BCR: variants seen among roughly 807,000 people sequenced by gnomAD.
The protein encoded by BCR is BCR activator of RhoGEF and GTPase.
Under a neutral mutation model 138.6 loss-of-function variants are expected in BCR, and 58 were observed. The observed-to-expected ratio is 0.42, with a 90% CI of 0.34 to 0.52. BCR has a LOEUF of 0.52. Among genes scored for constraint, BCR ranks in the 20% least tolerant of loss-of-function variants. The probability of loss-of-function intolerance (pLI) is 0.06; values close to 1 mark genes in which losing one functional copy is unlikely to be tolerated. For synonymous variants in BCR, 786 were observed against 730.1 expected, an observed-to-expected ratio of 1.08 and a Z score of -1.23; for missense variants, 1,599 against 1,727.2, an observed-to-expected ratio of 0.93 and a Z score of 1.32.
chr22:23,246,762 G>T (rs889955218), intron 1 of BCR, among the ~76,000 whole-genome samples: 2 of 152,184 alleles, frequency 1.3e-5, no homozygotes, highest in Non-Finnish European at 1.5e-5. Context: ...GTAAAGGGTG[G>T]TGGGTTTTTT....
At chr22:23,314,780 C>A (rs1395058419) in intron 22 of BCR, 66 bp downstream of exon 22, 2 of 1,569,018 alleles carry the variant, frequency 1.3e-6, no homozygotes, top group Admixed American at 1.7e-5. Flanking sequence ...GCCTGCCCCA[C>A]CCCCAGTCCT....
intron 1 of BCR, among the ~76,000 whole-genome samples, chr22:23,185,636 A>G (rs2072331311): frequency 6.6e-6 from 1 of 150,620 alleles, no homozygotes; most frequent in Admixed American, 6.6e-5. Flanking sequence ...GCTGCACTCC[A>G]GCCTGGGCGA....
In BCR at chr22:23,253,812, A is replaced by G. The variant is rs2073260579; in HGVS notation, c.1293A>G (p.Gly431=). 6.2e-7 allele frequency: 1 copy of G among 1,611,862 alleles called. No homozygotes were observed. Among genetic ancestry groups the G allele is most frequent in the Non-Finnish European group, 8.5e-7 (1 of 1,179,066 alleles). Residue 431 remains glycine, a synonymous_variant, in exon 2 of 23, where the codon GGA becomes GGG. Coordinates refer to ENST00000305877, the MANE Select transcript of BCR (RefSeq NM_004327.4). The stretch of plus-strand genomic sequence containing the variant: ...TTGCACACACAGATGGCTCGTTCGG[A>G]ACACCACCTGGATACGGCTGCGCTG... The part of the protein sequence containing the change: ...AFHGDADGSF[G]TPPGYGCAAD...
chr22:23,273,550 C>T, intron 7 of BCR, 84 bp from the exon 8 acceptor site: 1 of 1,581,042 alleles, frequency 6.3e-7, no homozygotes, highest in Non-Finnish European at 8.6e-7. Flanking sequence ...TGGGCTCCGT[C>T]CACACTTTGT....
intron 5 of BCR, 123 bp from the exon 6 acceptor site, chr22:23,271,409 C>A: frequency 2.0e-6 from 2 of 978,508 alleles, no homozygotes; most frequent in Non-Finnish European, 3.1e-6. Flanking sequence ...TCATTATCAG[C>A]TCAGAATGCA....
chr22:23,258,367 G>C (rs1019069770), intron 2 of BCR, among the ~76,000 whole-genome samples: 5 of 152,190 alleles, frequency 3.3e-5, no homozygotes, highest in Admixed American at 2.0e-4. Flanking sequence ...GGCAGTGGAG[G>C]CTCAGGGCCG....
chr22:23,312,671 A>G, intron 19 of BCR: 1 of 574,176 alleles, frequency 1.7e-6, no homozygotes, highest in South Asian at 2.0e-5. Flanking sequence ...CAGGCCAAGC[A>G]GGGGAGAGGA....
chr22:23,203,147 C>T (rs2072575934), intron 1 of BCR, among the ~76,000 whole-genome samples: 1 of 152,118 alleles, frequency 6.6e-6, no homozygotes, highest in Non-Finnish European at 1.5e-5. Context: ...CAGGTGTGAG[C>T]CACCATACTT....
At chr22:23,252,936 C>T (rs981531762) in intron 1 of BCR, among the ~76,000 whole-genome samples, 1 of 152,174 alleles carries the variant, frequency 6.6e-6, no homozygotes, top group African/African-American at 2.4e-5. Flanking sequence ...CATCAGATCC[C>T]ACTGTTAAGG....
At chr22:23,264,174 G>C in intron 4 of BCR, 10 of 1,379,134 alleles carry the variant, frequency 7.3e-6, no homozygotes, top group South Asian at 1.2e-5. Context: ...CCACTTGCTT[G>C]CCACAGGTTC....
chr22:23,262,967 C>T (rs886362063), intron 4 of BCR: 1 of 1,006,014 alleles, frequency 9.9e-7, no homozygotes, highest in Admixed American at 4.1e-5. Context: ...CGAGAGGCAT[C>T]ATCAAAGGAG....
chr22:23,225,601 G>A (rs2072881996), intron 1 of BCR, among the ~76,000 whole-genome samples: 1 of 152,224 alleles, frequency 6.6e-6, no homozygotes, highest in Non-Finnish European at 1.5e-5. Context: ...CCCAGGGCTT[G>A]TTTCTCACCC....
intron 4 of BCR, chr22:23,263,909 G>A (rs529921843): frequency 8.5e-6 from 8 of 941,048 alleles, no homozygotes; most frequent in African/African-American, 8.1e-5. Context: ...TGACAGGGAC[G>A]GCTTGTTGTG....
At chr22:23,297,204 G>GTT (rs1568979500) in intron 16 of BCR, among the ~76,000 whole-genome samples, 8 of 124,180 alleles carry the variant, frequency 6.4e-5, no homozygotes, top group African/African-American at 2.8e-4. Flanking sequence ...GCCTGGCTAA[G>GTT]TTGTTTTTTG....
intron 10 of BCR, among the ~76,000 whole-genome samples, chr22:23,285,896 T>G (rs2146301824): frequency 6.6e-6 from 1 of 152,350 alleles, no homozygotes; most frequent in Middle Eastern, 3.4e-3. Context: ...TGGATGGTCC[T>G]TTTAAGGAAG....
intron 8 of BCR, among the ~76,000 whole-genome samples, chr22:23,279,222 C>T (rs2073613699): frequency 6.6e-6 from 1 of 152,260 alleles, no homozygotes; most frequent in Non-Finnish European, 1.5e-5. Context: ...GCCCTACCCT[C>T]CTCCTGGCAT....
Position 23,261,504 on chromosome 22 carries a change from C to A in BCR, c.1716C>A (p.Ser572Arg). The change falls in exon 4 of 23, where the codon AGC becomes AGA. Residue 572 changes from serine to arginine, a missense_variant. Transcript: ENST00000305877. The stretch of plus-strand genomic sequence containing the variant: ...TCTTCCCCCGCGTGCAGCAGTGGAG[C>A]CACCAGCAGCGGGTGGGCGACCTCT... ...DGLFPRVQQW[S>R]HQQRVGDLFQ... The A allele has an allele frequency of 6.2e-7, 1 of 1,613,298 alleles. No homozygotes were observed. Among genetic ancestry groups the A allele is most frequent in the Non-Finnish European group, 8.5e-7 (1 of 1,180,030 alleles).
At chr22:23,215,796 C>A (rs758497546) in intron 1 of BCR, among the ~76,000 whole-genome samples, 1 of 152,136 alleles carries the variant, frequency 6.6e-6, no homozygotes, top group African/African-American at 2.4e-5. Context: ...GTTCTGCACC[C>A]CCACTCAGCA....
chr22:23,193,913 C>A (rs547800774), intron 1 of BCR, among the ~76,000 whole-genome samples: 7 of 152,326 alleles, frequency 4.6e-5, no homozygotes, highest in African/African-American at 1.7e-4. Context: ...ATCTTTGTCC[C>A]ACAGTCCTTC....
Sources: gnomAD v4.1 joint callset for allele counts (sites outside exome capture counted in the v4.1 genomes callset) on GRCh38, gnomAD v4.1.1 for gene constraint, MANE v1.5 for transcripts, NCBI Gene and HGNC (gene_info 2026-07-23, HGNC 2026-07-21) for gene names.